KDM2B: variants seen among roughly 807,000 people sequenced by gnomAD.
KDM2B encodes lysine-specific demethylase 2B.
Under a neutral mutation model 150.0 loss-of-function variants are expected in KDM2B, and 26 were observed. The observed-to-expected ratio is 0.17, with a 90% confidence interval of 0.13 to 0.24. The LOEUF (loss-of-function observed/expected upper bound fraction) is 0.24, where lower values mean the gene tolerates loss of function less well. KDM2B is among the 10% of genes least tolerant of loss of function. The pLI, the probability that KDM2B is intolerant of heterozygous loss-of-function variation, is 1.00. For synonymous variants in KDM2B, 734 were observed against 729.5 expected, an observed-to-expected ratio of 1.01 and a Z score of -0.10; for missense variants, 1,265 against 1,816.9, an observed-to-expected ratio of 0.70 and a Z score of 5.52.
intron 12 of KDM2B, among the ~76,000 whole-genome samples, chr12:121,457,450 T>C (rs1344202224): frequency 5.3e-5 from 8 of 151,894 alleles, no homozygotes; most frequent in South Asian, 4.2e-4. Flanking sequence ...TTAGTAGAGA[T>C]AGCATTTCGT....
At chr12:121,569,788 G>C (rs1890959069) in intron 4 of KDM2B, among the ~76,000 whole-genome samples, 1 of 152,100 alleles carries the variant, frequency 6.6e-6, no homozygotes, top group South Asian at 2.1e-4. Flanking sequence ...AATACCAAGG[G>C]AGAGGGGGCT....
chr12:121,441,205 T>C lies in KDM2B; in HGVS notation c.3313A>G (p.Ile1105Val). 2.5e-6 allele frequency: 4 copies of C among 1,614,106 alleles called. No individual in the cohort carries two copies. Among genetic ancestry groups the C allele is most frequent in the Non-Finnish European group, 3.4e-6 (4 of 1,180,010 alleles). ...WCCDKRLWTR[I>V]DLNHCKSITP... ...ATAGACTTGCAGTGGTTCAGGTCAA[T>C]GCGGGTCCACAACCGCTTATCGCAG... Residue 1105 changes from isoleucine to valine, a missense_variant, in exon 20 of 23, where the codon ATT becomes GTT. This residue lies in a region of KDM2B where 251 missense variants were observed against 397.8 expected (regional missense o/e 0.63). Coordinates refer to ENST00000377071, the MANE Select transcript of KDM2B (RefSeq NM_032590.5).
At chr12:121,568,885 AG>A (rs1294560211) in intron 4 of KDM2B, among the ~76,000 whole-genome samples, 1 of 131,464 alleles carries the variant, frequency 7.6e-6, no homozygotes, top group East Asian at 2.2e-4. Context: ...AAAAAAAAAA[AG>A]GCTTGGAGCT....
intron 12 of KDM2B, among the ~76,000 whole-genome samples, chr12:121,474,521 A>C (rs970653528): frequency 2.0e-5 from 3 of 152,236 alleles, no homozygotes; most frequent in Non-Finnish European, 4.4e-5. Context: ...ATCTCAAAAA[A>C]ATAAAAATTT....
At chr12:121,415,483 G>A in the KDM2B span, among the ~76,000 whole-genome samples, 1 of 152,030 alleles carries the variant, frequency 6.6e-6, no homozygotes, top group African/African-American at 2.4e-5. Flanking sequence ...CAAGTGTGTG[G>A]CGTGTGCCTG....
At chr12:121,443,643 C>T (rs781873146) in intron 17 of KDM2B, 37 bp downstream of exon 17, 20 of 1,312,246 alleles carry the variant, frequency 1.5e-5, no homozygotes, top group Non-Finnish European at 1.4e-5. Context: ...ACTCGCCAGT[C>T]CCCGGGGCCT....
chr12:121,536,940 C>T (rs1888168864), intron 6 of KDM2B, among the ~76,000 whole-genome samples: 1 of 152,184 alleles, frequency 6.6e-6, no homozygotes, highest in South Asian at 2.1e-4. Flanking sequence ...CCAGCACGTG[C>T]AGAAAAGAAT....
Position 121,571,711 on chromosome 12 carries a change from C to T in KDM2B, c.397+2836G>A, listed in dbSNP as rs199579035. On this transcript the variant is annotated intron_variant, in intron 4 of 22. Coordinates refer to ENST00000377071, the MANE Select transcript of KDM2B (RefSeq NM_032590.5). ...TGTCGCCTGGGCTGGAGTGCAGTGG[C>T]GCAATCTTGGCTCACTACAACCTCT... Among the ~76,000 whole-genome samples, 87 of 138,086 alleles carry T rather than the reference C, an allele frequency of 6.3e-4. No individual in the cohort carries two copies. In the East Asian group the frequency reaches 0.017, roughly 27 times the overall value. 90.6% of individuals were successfully genotyped at this position (138,086 alleles called of 152,430 possible).
rs1880371257 is a variant in KDM2B at position 121,468,492 on chromosome 12, C to G, written c.1735-15148G>C. The G allele has an allele frequency of 6.6e-6, 1 of 152,214 alleles. No individual in the cohort carries two copies. Among genetic ancestry groups the G allele is most frequent in the South Asian group, 2.1e-4 (1 of 4,834 alleles). 9.4% of individuals were successfully genotyped at this position (152,214 alleles called of 1,614,324 possible). A position where few individuals can be genotyped will look rare whatever the true frequency, so the allele number is the denominator to read the frequency against. ...CCAAGGTAACACTAAATATGCACAC[C>G]TGTACCTGTTCAGTTTCTCCATCTA... On this transcript the variant is annotated intron_variant, in intron 12 of 22. Coordinates refer to ENST00000377071, the MANE Select transcript of KDM2B (RefSeq NM_032590.5). This position sits in a 1 kb window ranked among gnomAD's most constrained non-coding sequence, Gnocchi z 4.0.
chr12:121,439,972 G>C lies in KDM2B; in HGVS notation c.3714C>G (p.Pro1238=). The C allele has an allele frequency of 6.2e-7, 1 of 1,614,174 alleles. No individual in the cohort carries two copies. Reference sequence around the variant, plus strand: ...AACTGAGGTGGAGCTTGGAGAGCAGGGGCATGTGGCGGATGATGAGCCGCA... The same window carrying C: ...AACTGAGGTGGAGCTTGGAGAGCAGCGGCATGTGGCGGATGATGAGCCGCA... ...ASLRLIIRHM[P]LLSKLHLSYC... Residue 1238 remains proline, a synonymous_variant, in exon 22 of 23, where the codon CCC becomes CCG. Coordinates refer to ENST00000377071, the MANE Select transcript of KDM2B (RefSeq NM_032590.5).
chr12:121,516,437 G>C (rs572495820), intron 9 of KDM2B: 5 of 1,276,592 alleles, frequency 3.9e-6, no homozygotes, highest in Admixed American at 2.4e-5. Flanking sequence ...AGAGGACTGC[G>C]GGAAACAAAA....
At chr12:121,411,087 C>T in the KDM2B span, among the ~76,000 whole-genome samples, 1 of 152,130 alleles carries the variant, frequency 6.6e-6, no homozygotes, top group Non-Finnish European at 1.5e-5. Flanking sequence ...GCACATGCCA[C>T]CACACCTGGC....
chr12:121,438,766 C>T (rs530534138), intron 22 of KDM2B, among the ~76,000 whole-genome samples: 4 of 151,512 alleles, frequency 2.6e-5, no homozygotes, highest in African/African-American at 7.3e-5. Context: ...GTCACCACTG[C>T]GCTGTGTGAA....
rs1397021648 is a variant in KDM2B, at chr12:121,575,167, G to A, written c.351-574C>T. ...CTCTTGAGCAAGTCTGGGAGCAGAT[G>A]CTGGAGAGAGGCTGCCTGGGACGAC... On this transcript the variant is annotated intron_variant, in intron 3 of 22. Transcript: ENST00000377071. This position sits in a 1 kb window ranked among gnomAD's most constrained non-coding sequence, Gnocchi z 4.4. Among the ~76,000 whole-genome samples, 1 of 152,228 alleles carries A rather than the reference G, an allele frequency of 6.6e-6. No individual in the cohort carries two copies. Among genetic ancestry groups the A allele is most frequent in the Admixed American group, 6.5e-5 (1 of 15,286 alleles).
intron 4 of KDM2B, among the ~76,000 whole-genome samples, chr12:121,558,688 C>A (rs1470063110): frequency 2.0e-5 from 3 of 152,150 alleles, no homozygotes; most frequent in African/African-American, 4.8e-5. Flanking sequence ...CTCCTGACGT[C>A]AAGTGATTTG....
chr12:121,489,766 C>A (rs2140253948), intron 12 of KDM2B, among the ~76,000 whole-genome samples: 1 of 152,246 alleles, frequency 6.6e-6, no homozygotes. Context: ...AAGTGCAGAT[C>A]CCAGGCCCAC....
chr12:121,578,787 G>A lies in KDM2B; in HGVS notation c.271+15C>T. 1.3e-6 allele frequency: 2 copies of A among 1,516,530 alleles called. No homozygotes were observed. The highest frequency in any genetic ancestry group is 8.9e-7 in the Non-Finnish European group (1 of 1,124,354). The allele number at this position is 1,516,530 out of a possible 1,614,324, so 93.9% of individuals were successfully genotyped here. A position where few individuals can be genotyped will look rare whatever the true frequency, so the allele number is the denominator to read the frequency against. On this transcript the variant is annotated intron_variant, in intron 2 of 22. Coordinates refer to ENST00000377071, the MANE Select transcript of KDM2B (RefSeq NM_032590.5). ...CCCGCAGCGCAGAGGGCGGCCCGGG[G>A]TGGGGGCGCCTCACCTTTGCCCTCC...
intron 8 of KDM2B, among the ~76,000 whole-genome samples, chr12:121,532,354 C>A (rs1555307969): frequency 1.3e-5 from 2 of 152,134 alleles, no homozygotes; most frequent in African/African-American, 4.8e-5. Flanking sequence ...ACTCACTCAG[C>A]CCTCATGACC....
Position 121,467,387 on chromosome 12 carries a change from C to A in KDM2B, c.1735-14043G>T. Reference sequence around the variant, plus strand: ...CCTCGCACGCCCGCGCTGGAGGGGGCGGGGAGGGGCCGGCGGGGGAGGGCC... The same window carrying A: ...CCTCGCACGCCCGCGCTGGAGGGGGAGGGGAGGGGCCGGCGGGGGAGGGCC... On this transcript the variant is annotated intron_variant, in intron 12 of 22. Coordinates refer to ENST00000377071, the MANE Select transcript of KDM2B (RefSeq NM_032590.5). The surrounding 1 kb of genome is among the most constrained non-coding windows in gnomAD (Gnocchi z 5.1). 1 of 974,528 alleles carries A rather than the reference C, an allele frequency of 1.0e-6. No individual in the cohort carries two copies. Among genetic ancestry groups the A allele is most frequent in the Non-Finnish European group, 1.2e-6 (1 of 822,660 alleles). 60.4% of individuals were successfully genotyped at this position (974,528 alleles called of 1,614,324 possible).
Sources: gnomAD v4.1 joint callset for allele counts (sites outside exome capture counted in the v4.1 genomes callset) on GRCh38, gnomAD v4.1.1 for gene constraint, gnomAD v4.1.1 regional missense constraint, Gnocchi (gnomAD v3.1) non-coding constraint, MANE v1.5 for transcripts, NCBI Gene and HGNC (gene_info 2026-07-23, HGNC 2026-07-21) for gene names.